Variants in ASPSCR1 observed in about 807,000 individuals in gnomAD.
ASPSCR1 encodes the protein tether containing UBX domain for GLUT4.
A neutral mutation model predicts 68.9 loss-of-function variants in ASPSCR1; 55 were observed. The ratio of observed to expected loss-of-function variants is 0.80; its 90% CI spans 0.64 to 1.00. ASPSCR1 has a LOEUF of 1.00. Among genes scored for constraint, ASPSCR1 ranks in the 50% least tolerant of loss-of-function variants. The pLI, the probability that ASPSCR1 is intolerant of heterozygous loss-of-function variation, is 0.00. For missense variants in ASPSCR1, 765 were observed against 762.2 expected, an observed-to-expected ratio of 1.00 and a Z score of -0.04; for synonymous variants, 352 against 332.6, an observed-to-expected ratio of 1.06 and a Z score of -0.63.
At chr17:82,001,830 C>G (rs1245631260) in intron 7 of ASPSCR1, among the ~76,000 whole-genome samples, 1 of 152,176 alleles carries the variant, frequency 6.6e-6, no homozygotes, top group East Asian at 1.9e-4. Context: ...CGGATGACCC[C>G]CCTCACCAAA....
chr17:81,988,890 G>A (rs1165333972), intron 4 of ASPSCR1, among the ~76,000 whole-genome samples: 1 of 152,170 alleles, frequency 6.6e-6, no homozygotes, highest in Non-Finnish European at 1.5e-5. Context: ...TCCAGAGGTG[G>A]AATTTAAGAT....
chr17:81,991,518 C>T (rs2042162842), intron 4 of ASPSCR1, among the ~76,000 whole-genome samples: 1 of 152,184 alleles, frequency 6.6e-6, no homozygotes, highest in Non-Finnish European at 1.5e-5. Context: ...GTGCATGCTG[C>T]TGGGCCAGCT....
chr17:82,014,877 C>G (rs1199927632), intron 12 of ASPSCR1: 4 of 690,624 alleles, frequency 5.8e-6, no homozygotes, highest in African/African-American at 5.4e-5. Flanking sequence ...GGGGCCGGCT[C>G]CAGGCCCTCA....
At position 81,987,819 on chromosome 17, in the gene ASPSCR1, C is replaced by T. The variant is rs2042044287; in HGVS notation, c.374+2212C>T. ...CCGAGATCGCACCATTGCACTCTAG[C>T]CTGGGTGACAAGAGCAAAACTCCAT... On this transcript the variant is annotated intron_variant, in intron 4 of 15. Transcript: ENST00000306739. The surrounding 1 kb of genome is among the most constrained non-coding windows in gnomAD (Gnocchi z 5.6). Among the ~76,000 whole-genome samples the T allele has an allele frequency of 6.6e-6, 1 of 151,748 alleles. No individual in the cohort carries two copies. The highest frequency in any genetic ancestry group is 2.1e-4 in the South Asian group (1 of 4,800).
chr17:82,011,960 G>C (rs1007326526), intron 11 of ASPSCR1: 13 of 619,136 alleles, frequency 2.1e-5, no homozygotes, highest in Non-Finnish European at 3.8e-5. Context: ...CCCTTGGAGG[G>C]TGTCTAGGTG....
rs2041878261 is a variant in ASPSCR1, at chr17:81,983,872, T to C, written c.273+204T>C. ...AAATGAGCATCTCATGTTTTTTTTT[T>C]TTTGAGCTGGAGTCTCGCTCTGTCG... is the stretch of plus-strand genomic sequence containing the variant. On this transcript the variant is annotated intron_variant, in intron 3 of 15. Transcript: ENST00000306739. The surrounding 1 kb of genome is among the most constrained non-coding windows in gnomAD (Gnocchi z 4.4). Among the ~76,000 whole-genome samples the C allele has an allele frequency of 6.6e-6, 1 of 151,868 alleles. No homozygotes were observed. Among genetic ancestry groups the C allele is most frequent in the Non-Finnish European group, 1.5e-5 (1 of 67,916 alleles).
intron 2 of ASPSCR1, among the ~76,000 whole-genome samples, chr17:81,980,278 C>G (rs2041755221): frequency 6.6e-6 from 1 of 152,216 alleles, no homozygotes; most frequent in African/African-American, 2.4e-5. Context: ...ACCATGCCTG[C>G]CCTTGAAGAC....
intron 4 of ASPSCR1, among the ~76,000 whole-genome samples, chr17:81,993,673 C>A (rs1037482216): frequency 2.0e-5 from 3 of 152,254 alleles, no homozygotes; most frequent in African/African-American, 7.2e-5. Context: ...ACGTATGTCT[C>A]GACCTGGACA....
At chr17:81,979,318 A>G in intron 2 of ASPSCR1, 79 bp downstream of exon 2, 1 of 1,505,464 alleles carries the variant, frequency 6.6e-7, no homozygotes, top group Non-Finnish European at 9.2e-7. Context: ...TCTCACTTGG[A>G]AAAGCCCCCA....
chr17:81,995,242 AG>A, intron 5 of ASPSCR1: 1 of 285,042 alleles, frequency 3.5e-6, no homozygotes, highest in Non-Finnish European at 6.6e-6. Flanking sequence ...CTGGCCTCAC[AG>A]GGGCCTTTTG....
chr17:81,979,079 G>T, intron 1 of ASPSCR1, 105 bp from the exon 2 acceptor site: 2 of 1,262,734 alleles, frequency 1.6e-6, no homozygotes, highest in Middle Eastern at 2.1e-4. Context: ...CCTGGGCAGA[G>T]CCACCTGGCT....
At chr17:82,009,447 T>C in intron 8 of ASPSCR1, 39 bp from the exon 9 acceptor site, 1 of 1,540,764 alleles carries the variant, frequency 6.5e-7, no homozygotes, top group African/African-American at 1.4e-5. Context: ...GGGCCCCCAT[T>C]CTGACCAGAA....
At chr17:81,979,465 G>T (rs1350027383) in intron 2 of ASPSCR1, among the ~76,000 whole-genome samples, 2 of 152,180 alleles carry the variant, frequency 1.3e-5, no homozygotes, top group Non-Finnish European at 2.9e-5. Context: ...GCGTTCTGTG[G>T]CTTGTGGCCG....
chr17:82,011,304 T>C (rs924159464), intron 10 of ASPSCR1, among the ~76,000 whole-genome samples: 1 of 8,218 alleles, frequency 1.2e-4, no homozygotes, highest in Non-Finnish European at 2.5e-4. Flanking sequence ...GGGGCGGGGG[T>C]GGGGCTGGGG....
intron 4 of ASPSCR1, among the ~76,000 whole-genome samples, chr17:81,994,160 G>T (rs1269873540): frequency 6.6e-6 from 1 of 152,234 alleles, no homozygotes; most frequent in African/African-American, 2.4e-5. Context: ...TGTGTGGGAG[G>T]CGTGCTGCAT....
At chr17:81,984,963 C>T (rs1210073013) in intron 3 of ASPSCR1, among the ~76,000 whole-genome samples, 1 of 117,852 alleles carries the variant, frequency 8.5e-6, no homozygotes, top group African/African-American at 3.6e-5. Flanking sequence ...ACACCCCACA[C>T]ACCTGCACAC....
At chr17:81,978,097 G>A (rs1185089054) in intron 1 of ASPSCR1, 2 of 167,794 alleles carry the variant, frequency 1.2e-5, no homozygotes, top group Non-Finnish European at 2.5e-5. Flanking sequence ...TTCCCATTCC[G>A]GGGCGTCCCC....
intron 7 of ASPSCR1, chr17:82,006,355 G>GTA (rs1292537956): frequency 6.6e-6 from 1 of 152,322 alleles, no homozygotes; most frequent in East Asian, 1.9e-4. Flanking sequence ...AGGTGTGTGT[G>GTA]TATATGCATG....
At chr17:81,981,375 C>A (rs564313243) in intron 2 of ASPSCR1, among the ~76,000 whole-genome samples, 17 of 152,090 alleles carry the variant, frequency 1.1e-4, no homozygotes, top group African/African-American at 4.1e-4. Flanking sequence ...ATTTTTATTT[C>A]TTTTTTATTT....
Sources: allele counts gnomAD v4.1 joint callset (sites outside exome capture counted in the v4.1 genomes callset), GRCh38; gene constraint gnomAD v4.1.1; non-coding constraint Gnocchi (gnomAD v3.1); transcripts MANE v1.5; gene names NCBI Gene and HGNC (gene_info 2026-07-23, HGNC 2026-07-21).